The following PDIA5 variants were observed in gnomAD, a reference collection of about 807,000 sequenced individuals.
The protein encoded by PDIA5 is protein disulfide isomerase family A member 5, also known as protein disulfide-isomerase A5.
A neutral mutation model predicts 77.6 loss-of-function variants in PDIA5; 58 were observed. The ratio of observed to expected loss-of-function variants is 0.75; its 90% CI spans 0.61 to 0.93. The LOEUF is 0.93. Among genes scored for constraint, PDIA5 ranks in the 40% least tolerant of loss-of-function variants. The pLI, the probability that PDIA5 is intolerant of heterozygous loss-of-function variation, is 0.00. For missense variants in PDIA5, 630 were observed against 647.7 expected (o/e 0.97, Z 0.30); for synonymous variants, 250 against 252.1 (o/e 0.99, Z 0.08).
At chr3:123,104,468 C>T (rs1934684028) in intron 5 of PDIA5, among the ~76,000 whole-genome samples, 2 of 152,228 alleles carry the variant, frequency 1.3e-5, no homozygotes, top group African/African-American at 4.8e-5. Flanking sequence ...GACCCCCCGA[C>T]AGGAGGGGCC....
intron 3 of PDIA5, among the ~76,000 whole-genome samples, chr3:123,098,260 T>C (rs11712332): frequency 0.04 from 6,036 of 152,270 alleles, 485 homozygotes; most frequent in Admixed American, 0.21. Flanking sequence ...GAGCCAGATG[T>C]TGAAGCTGTC....
intron 13 of PDIA5, among the ~76,000 whole-genome samples, chr3:123,149,421 C>T (rs184853625): frequency 1.1e-3 from 170 of 152,232 alleles, no homozygotes; most frequent in Middle Eastern, 6.8e-3. Context: ...CAGTGGGAGA[C>T]GTGGCAGCGT....
intron 10 of PDIA5, among the ~76,000 whole-genome samples, chr3:123,128,056 G>A (rs1298032158): frequency 6.6e-6 from 1 of 152,164 alleles, no homozygotes; most frequent in Non-Finnish European, 1.5e-5. Context: ...TTACCACGGT[G>A]CCCAGTTCTC....
chr3:123,124,383 A>ATGCCCCGCCCTCT, intron 10 of PDIA5, 40 bp downstream of exon 10: 2 of 1,459,268 alleles, frequency 1.4e-6, no homozygotes, highest in Non-Finnish European at 1.9e-6. Flanking sequence ...GTGGACCCAG[A>ATGCCCCGCCCTCT]GGGCGGGGCA....
At chr3:123,103,573 C>T (rs1283577636) in intron 5 of PDIA5, among the ~76,000 whole-genome samples, 1 of 152,196 alleles carries the variant, frequency 6.6e-6, no homozygotes, top group Non-Finnish European at 1.5e-5. Context: ...TTCCATTTTT[C>T]CTATCTGTCC....
chr3:123,133,880 A>G (rs1374618873), intron 11 of PDIA5, among the ~76,000 whole-genome samples: 6 of 152,234 alleles, frequency 3.9e-5, no homozygotes, highest in Admixed American at 3.9e-4. Context: ...ATCAAGGGAT[A>G]ATATAGGAAA....
chr3:123,146,089 C>T lies in PDIA5; in HGVS notation c.982-10C>T, dbSNP rs1433370577. On this transcript the variant is annotated splice_polypyrimidine_tract_variant and intron_variant, in intron 12 of 16. Transcript: ENST00000316218. ...GCTGTAATGCATGGTTGGCCTTTCC[C>T]CCATCCCAGAGCTCTGGTGTCCTTG... The T allele has an allele frequency of 2.5e-6, 4 of 1,613,630 alleles. No individual in the cohort carries two copies. Among genetic ancestry groups the T allele is most frequent in the South Asian group, 1.1e-5 (1 of 90,986 alleles).
At chr3:123,072,530 A>T (rs977624214) in intron 1 of PDIA5, among the ~76,000 whole-genome samples, 2 of 152,100 alleles carry the variant, frequency 1.3e-5, no homozygotes, top group African/African-American at 2.4e-5. Flanking sequence ...TGCAGCTAGG[A>T]TTCTCCCCAC....
chr3:123,099,054 T>TGC (rs1384826545), intron 3 of PDIA5, among the ~76,000 whole-genome samples: 3 of 140,834 alleles, frequency 2.1e-5, no homozygotes, highest in African/African-American at 5.3e-5. Context: ...CACACATGCT[T>TGC]GCGCACACAC....
chr3:123,145,031 T>C (rs1576462690), intron 11 of PDIA5: 1 of 153,514 alleles, frequency 6.5e-6, no homozygotes, highest in East Asian at 1.9e-4. Context: ...GGCCTCAGAC[T>C]GCCTTCTGTC....
rs1933587796 is a variant in PDIA5 at position 123,067,174 on chromosome 3, G to T, written c.10G>T (p.Ala4Ser). The T allele has an allele frequency of 1.6e-6, 2 of 1,246,572 alleles. No homozygotes were observed. Among genetic ancestry groups the T allele is most frequent in the African/African-American group, 3.1e-5 (2 of 64,440 alleles). The allele number at this position is 1,246,572 out of a possible 1,614,324, so 77.2% of individuals were successfully genotyped here. A position where few individuals can be genotyped will look rare whatever the true frequency, so the allele number is the denominator to read the frequency against. Residue 4 changes from alanine (A) to serine (S), a missense_variant, in exon 1 of 17, where the codon GCC becomes TCC. Physicochemically the swap from Ala to Ser is moderately conservative, Grantham distance 99. Coordinates refer to ENST00000316218, the MANE Select transcript of PDIA5 (RefSeq NM_006810.4). ...GGGCAGCGCTGCTGGGATGGCGCGG[G>T]CCGGGCCGGCGTGGCTGCTGCTGGC... MAR[A>S]GPAWLLLAIW...
chr3:123,094,618 G>A (rs953269891), intron 3 of PDIA5, among the ~76,000 whole-genome samples: 1 of 152,220 alleles, frequency 6.6e-6, no homozygotes, highest in South Asian at 2.1e-4. Context: ...TGTCCAGTCC[G>A]TGTCTGTGGG....
At chr3:123,096,408 T>C (rs1934442729) in intron 3 of PDIA5, among the ~76,000 whole-genome samples, 1 of 152,138 alleles carries the variant, frequency 6.6e-6, no homozygotes, top group South Asian at 2.1e-4. Flanking sequence ...CGGCTGGTCT[T>C]GGACTCCTGG....
intron 11 of PDIA5, among the ~76,000 whole-genome samples, chr3:123,133,750 C>T (rs976892297): frequency 9.8e-5 from 15 of 152,292 alleles, no homozygotes; most frequent in African/African-American, 3.4e-4. Flanking sequence ...GCTGAAATGT[C>T]AGACCATGCA....
chr3:123,075,465 C>A (rs1044911621), intron 1 of PDIA5, among the ~76,000 whole-genome samples: 1 of 152,082 alleles, frequency 6.6e-6, no homozygotes, highest in Non-Finnish European at 1.5e-5. Flanking sequence ...AACCAAGTGT[C>A]GCATCCAGTT....
chr3:123,090,251 C>T (rs1380144486), intron 2 of PDIA5, among the ~76,000 whole-genome samples: 1 of 152,190 alleles, frequency 6.6e-6, no homozygotes, highest in African/African-American at 2.4e-5. Flanking sequence ...CAGCATGTGA[C>T]TAGCATTCCT....
Position 123,102,438 on chromosome 3 carries a change from G to C in PDIA5, c.285G>C (p.Lys95Asn). 1.2e-6 allele frequency: 2 copies of C among 1,614,028 alleles called. No individual in the cohort carries two copies. Among genetic ancestry groups the C allele is most frequent in the Non-Finnish European group, 1.7e-6 (2 of 1,179,862 alleles). ...CGDAESRKLC[K>N]KMKVDLSPKD... ...ATGCAGAGAGTAGAAAATTGTGCAA[G>C]AAGATGAAAGTTGACCTGAGCCCGA... The change falls in exon 4 of 17, where the codon AAG (lysine) becomes AAC (asparagine). Residue 95 changes from lysine (K) to asparagine (N), a missense_variant. By Grantham distance (94) the Lys-to-Asn change is moderately conservative. Coordinates refer to ENST00000316218, the MANE Select transcript of PDIA5 (RefSeq NM_006810.4).
At chr3:123,154,035 G>C (rs145372572) in intron 14 of PDIA5, among the ~76,000 whole-genome samples, 152 of 152,246 alleles carry the variant, frequency 1.0e-3, no homozygotes, top group African/African-American at 3.6e-3. Flanking sequence ...TGAGAGAGGA[G>C]GGGGGTTTGG....
At chr3:123,092,680 T>C (rs1450152256) in intron 3 of PDIA5, among the ~76,000 whole-genome samples, 1 of 152,182 alleles carries the variant, frequency 6.6e-6, no homozygotes, top group Non-Finnish European at 1.5e-5. Flanking sequence ...GCTTTCACTT[T>C]CTTCTATTTC....
Sources: gnomAD v4.1 joint callset for allele counts (sites outside exome capture counted in the v4.1 genomes callset) on GRCh38, gnomAD v4.1.1 for gene constraint, MANE v1.5 for transcripts, NCBI Gene and HGNC (gene_info 2026-07-23, HGNC 2026-07-21) for gene names.